ACADS: variants seen among roughly 807,000 people sequenced by gnomAD.
ACADS encodes the protein acyl-CoA dehydrogenase short chain, also known as short-chain specific acyl-CoA dehydrogenase, mitochondrial.
ACADS carries 28 observed loss-of-function variants against 46.8 expected under a neutral mutation model. The observed-to-expected ratio is 0.60, with a 90% CI of 0.44 to 0.82. ACADS has a LOEUF of 0.82. Ranked by LOEUF, ACADS falls within the 40% of genes least tolerant of loss-of-function variation. The pLI, the probability that ACADS is intolerant of heterozygous loss-of-function variation, is 0.00. For missense variants in ACADS, 528 were observed against 578.0 expected, an observed-to-expected ratio of 0.91 and a Z score of 0.89; for synonymous variants, 236 against 237.7, an observed-to-expected ratio of 0.99 and a Z score of 0.07.
At chr12:120,734,559 T>C (rs1302245932) in intron 2 of ACADS, among the ~76,000 whole-genome samples, 1 of 152,104 alleles carries the variant, frequency 6.6e-6, no homozygotes, top group Non-Finnish European at 1.5e-5. Context: ...ACACACAGGT[T>C]GTCACAGAAG....
chr12:120,738,770 C>A lies in ACADS; in HGVS notation c.934-50C>A, dbSNP rs113168595. On this transcript the variant is annotated intron_variant, in intron 7 of 9. Transcript: ENST00000242592. Reference sequence around the variant, plus strand: ...CCGTCCTCCTCCCCCTCCCTTCTGTCCCCTGGAGGGGCAGCTGCTGACCTG... The same window carrying A: ...CCGTCCTCCTCCCCCTCCCTTCTGTACCCTGGAGGGGCAGCTGCTGACCTG... 4.5e-5 allele frequency: 72 copies of A among 1,612,050 alleles called. 2 individuals carry two copies. In the African/African-American group the frequency reaches 4.7e-4, roughly 10 times the overall value.
chr12:120,731,755 T>C (rs1883255399), intron 2 of ACADS, among the ~76,000 whole-genome samples: 1 of 152,028 alleles, frequency 6.6e-6, no homozygotes, highest in African/African-American at 2.4e-5. Context: ...AACAAAGGTC[T>C]CTGGTTTTCC....
intron 4 of ACADS, 21 bp from the exon 5 acceptor site, chr12:120,737,816 G>A (rs1883505307): frequency 1.2e-6 from 2 of 1,613,658 alleles, no homozygotes; most frequent in African/African-American, 1.3e-5. Context: ...CGTGCGCTGA[G>A]CCCTGGGTCT....
chr12:120,736,771 G>A (rs893999123), intron 2 of ACADS, among the ~76,000 whole-genome samples: 4 of 152,210 alleles, frequency 2.6e-5, no homozygotes, highest in Admixed American at 6.5e-5. Context: ...GCGTGGAGGC[G>A]GGGGCAGGAC....
At chr12:120,733,947 G>A (rs1883352202) in intron 2 of ACADS, among the ~76,000 whole-genome samples, 1 of 152,038 alleles carries the variant, frequency 6.6e-6, no homozygotes, top group African/African-American at 2.4e-5. Context: ...CAGGCATCCA[G>A]TGTGGGTCCC....
In ACADS at chr12:120,739,021, G is replaced by A. The variant is rs1377406694; in HGVS notation, c.1029+106G>A. 17 of 1,587,220 alleles carry A rather than the reference G, an allele frequency of 1.1e-5. No homozygotes were observed. The East Asian group carries it at 3.6e-4, about 33-fold the overall frequency. ...CTTGGCCCCGTGGGTCAGAGGTGTG[G>A]GCCTGGGGTTTACAGCCCCATGGGG... is the stretch of plus-strand genomic sequence containing the variant. On this transcript the variant is annotated intron_variant, in intron 8 of 9. Transcript: ENST00000242592.
Position 120,739,813 on chromosome 12 carries a change from T to G in ACADS, c.*365T>G. On this transcript the variant is annotated 3_prime_UTR_variant, in exon 10 of 10. Coordinates refer to ENST00000242592, the MANE Select transcript of ACADS (RefSeq NM_000017.4). ...ACAGGCCCTTGGTGGGGTCTGTCTTTTCCTTGAGGTCAGAGGTCAGGAGCA... is the reference window on the plus strand; with the variant it reads ...ACAGGCCCTTGGTGGGGTCTGTCTTGTCCTTGAGGTCAGAGGTCAGGAGCA... 1 of 298,196 alleles carries G rather than the reference T, an allele frequency of 3.4e-6. No homozygotes were observed. 18.5% of individuals were successfully genotyped at this position (298,196 alleles called of 1,614,324 possible).
chr12:120,731,826 AGTG>A lies in ACADS; in HGVS notation c.210+4641_210+4643del, dbSNP rs561853831. Among the ~76,000 whole-genome samples, 669 of 151,844 alleles carry A rather than the reference AGTG, an allele frequency of 4.4e-3. 3 individuals carry two copies. The highest frequency in any genetic ancestry group is 7.2e-3 in the Non-Finnish European group (486 of 67,896). On this transcript the variant is annotated intron_variant, in intron 2 of 9. Coordinates refer to ENST00000242592, the MANE Select transcript of ACADS (RefSeq NM_000017.4). The stretch of plus-strand genomic sequence containing the variant: ...TGTCCCTGGGTACTTGAGATTAGGG[AGTG>A]GTGATGACTCTTAAGGAGCATGCTG...
intron 2 of ACADS, among the ~76,000 whole-genome samples, chr12:120,733,669 T>C (rs1318862940): frequency 6.6e-6 from 1 of 151,972 alleles, no homozygotes; most frequent in Non-Finnish European, 1.5e-5. Flanking sequence ...AACAATCTTC[T>C]TTTTAGTAAT....
At position 120,728,795 on chromosome 12, in the gene ACADS, C is replaced by A. The variant is rs530648310; in HGVS notation, c.210+1606C>A. On this transcript the variant is annotated intron_variant, in intron 2 of 9. Coordinates refer to ENST00000242592, the MANE Select transcript of ACADS (RefSeq NM_000017.4). This position sits in a 1 kb window ranked among gnomAD's most constrained non-coding sequence, Gnocchi z 4.0. ...GTGCTGGGATTACAGGCGTGAGCCA[C>A]CACACCCGGCCTTAAAAATGAGTTT... is the stretch of plus-strand genomic sequence containing the variant. 7.9e-5 allele frequency among the ~76,000 whole-genome samples: 12 copies of A among 152,318 alleles called. No individual in the cohort carries two copies. In the South Asian group the frequency reaches 2.3e-3, roughly 29 times the overall value.
Position 120,738,290 on chromosome 12 carries a change from C to A in ACADS, c.635C>A (p.Ala212Asp), listed in dbSNP as rs773170167. 2 of 1,614,202 alleles carry A rather than the reference C, an allele frequency of 1.2e-6. No individual in the cohort carries two copies. The highest frequency in any genetic ancestry group is 1.1e-5 in the South Asian group (1 of 91,086). The change falls in exon 6 of 10, where the codon GCC (alanine) becomes GAC (aspartate). Residue 212 changes from alanine (A) to aspartate (D), a missense_variant. Transcript: ENST00000242592. Reference protein sequence around the residue: ...DRALQNKGISAFLVPMPTPGL... With the variant: ...DRALQNKGISDFLVPMPTPGL... Reference sequence around the variant, plus strand: ...CGCCTCTCCTTTCAGGGCATCAGTGCCTTCCTGGTCCCCATGCCAACGCCT... The same window carrying A: ...CGCCTCTCCTTTCAGGGCATCAGTGACTTCCTGGTCCCCATGCCAACGCCT...
intron 2 of ACADS, among the ~76,000 whole-genome samples, chr12:120,729,258 CTTTTTTTTT>C (rs137894149): frequency 2.4e-5 from 3 of 123,102 alleles, no homozygotes; most frequent in South Asian, 5.3e-4. Context: ...TTTCTTTTTT[CTTTTTTTTT>C]TTTTTTTTGA....
At chr12:120,726,609 T>C (rs569980973) in intron 1 of ACADS, among the ~76,000 whole-genome samples, 39 of 152,354 alleles carry the variant, frequency 2.6e-4, no homozygotes, top group African/African-American at 7.5e-4. Flanking sequence ...CCACTTGTTA[T>C]AGAAACGGAG....
chr12:120,733,214 AAG>A (rs961285501), intron 2 of ACADS, among the ~76,000 whole-genome samples: 5 of 151,942 alleles, frequency 3.3e-5, no homozygotes, highest in East Asian at 1.9e-4. Flanking sequence ...AGACCGTGGA[AAG>A]AGAGGGAGAG....
chr12:120,739,574 G>A lies in ACADS; in HGVS notation c.*126G>A. On this transcript the variant is annotated 3_prime_UTR_variant, in exon 10 of 10. Coordinates refer to ENST00000242592, the MANE Select transcript of ACADS (RefSeq NM_000017.4). Reference sequence around the variant, plus strand: ...GGGGACCCCAGATGGGCTCAGTGCTGCCACCCAGATCAGATCACATGGGAA... The same window carrying A: ...GGGGACCCCAGATGGGCTCAGTGCTACCACCCAGATCAGATCACATGGGAA... 1 of 1,125,100 alleles carries A rather than the reference G, an allele frequency of 8.9e-7. No homozygotes were observed. The highest frequency in any genetic ancestry group is 1.4e-5 in the South Asian group (1 of 69,496). 69.7% of individuals were successfully genotyped at this position (1,125,100 alleles called of 1,614,324 possible). A position where few individuals can be genotyped will look rare whatever the true frequency, so the allele number is the denominator to read the frequency against.
intron 1 of ACADS, among the ~76,000 whole-genome samples, chr12:120,726,575 C>T (rs1332943863): frequency 1.3e-5 from 2 of 152,192 alleles, no homozygotes; most frequent in African/African-American, 2.4e-5. Flanking sequence ...TTTCGCACTC[C>T]GAGGAGCGGA....
intron 2 of ACADS, among the ~76,000 whole-genome samples, chr12:120,735,541 A>T (rs1045758266): frequency 3.3e-5 from 5 of 151,882 alleles, no homozygotes; most frequent in Non-Finnish European, 5.9e-5. Flanking sequence ...TATTCACAGG[A>T]GTATAGAAAA....
At chr12:120,730,015 G>A (rs570347435) in intron 2 of ACADS, among the ~76,000 whole-genome samples, 36 of 151,902 alleles carry the variant, frequency 2.4e-4, no homozygotes, top group South Asian at 6.2e-4. Flanking sequence ...ATGGAGTCTC[G>A]CTCTGTCCCC....
chr12:120,732,759 C>G (rs908451862), intron 2 of ACADS, among the ~76,000 whole-genome samples: 3 of 131,882 alleles, frequency 2.3e-5, no homozygotes, highest in African/African-American at 8.6e-5. Flanking sequence ...GGCAGAGGGG[C>G]TCCTCACATC....
Sources: allele counts gnomAD v4.1 joint callset (sites outside exome capture counted in the v4.1 genomes callset), GRCh38; gene constraint gnomAD v4.1.1; non-coding constraint Gnocchi (gnomAD v3.1); transcripts MANE v1.5; gene names NCBI Gene and HGNC (gene_info 2026-07-23, HGNC 2026-07-21).